Variants in PPARGC1A observed in about 807,000 individuals in gnomAD.
PPARGC1A encodes peroxisome proliferator-activated receptor gamma coactivator 1-alpha.
In PPARGC1A, 25 loss-of-function variants were observed where a neutral mutation model predicts 88.7. The observed-to-expected ratio is 0.28, with a 90% CI of 0.21 to 0.39. PPARGC1A has a LOEUF of 0.39. PPARGC1A is among the 10% of genes least tolerant of loss of function. The pLI, the probability that PPARGC1A is intolerant of heterozygous loss-of-function variation, is 1.00. For missense variants in PPARGC1A, 880 were observed against 968.7 expected, an observed-to-expected ratio of 0.91 and a Z score of 1.22; for synonymous variants, 363 against 355.6, an observed-to-expected ratio of 1.02 and a Z score of -0.24.
the PPARGC1A span, among the ~76,000 whole-genome samples, chr4:24,049,359 G>T: frequency 1.4e-5 from 2 of 146,444 alleles, no homozygotes; most frequent in Non-Finnish European, 3.0e-5. Flanking sequence ...TGAATAATCA[G>T]GGAAGTAGAG....
the PPARGC1A span, among the ~76,000 whole-genome samples, chr4:24,377,096 C>T: frequency 2.7e-5 from 4 of 148,038 alleles, no homozygotes; most frequent in Admixed American, 1.3e-4. Flanking sequence ...TTTTTTTTCA[C>T]GTGAAAAAAA....
the PPARGC1A span, among the ~76,000 whole-genome samples, chr4:24,004,856 T>C: frequency 2.0e-5 from 3 of 152,300 alleles, no homozygotes; most frequent in South Asian, 2.1e-4. Context: ...TGGATCTTTA[T>C]AAATGAAAGT....
the PPARGC1A span, among the ~76,000 whole-genome samples, chr4:24,214,631 TAG>T: frequency 2.0e-5 from 3 of 152,174 alleles, no homozygotes; most frequent in African/African-American, 7.2e-5. Flanking sequence ...CTCTCTTGAC[TAG>T]AGTGTGCCGC....
chr4:24,149,444 C>CA, the PPARGC1A span, among the ~76,000 whole-genome samples: 1 of 152,080 alleles, frequency 6.6e-6, no homozygotes, highest in Non-Finnish European at 1.5e-5. Context: ...TGAAAAGACA[C>CA]AACCTGTACC....
chr4:24,260,919 A>T, the PPARGC1A span, among the ~76,000 whole-genome samples: 1 of 152,214 alleles, frequency 6.6e-6, no homozygotes, highest in South Asian at 2.1e-4. Flanking sequence ...GGCCACAAAA[A>T]TAACAGCTGT....
chr4:24,135,387 TC>T, the PPARGC1A span, among the ~76,000 whole-genome samples: 1 of 152,224 alleles, frequency 6.6e-6, no homozygotes, highest in Middle Eastern at 3.4e-3. Flanking sequence ...CAGTAATCCT[TC>T]CCAGTGGCCC....
intron 2 of PPARGC1A, among the ~76,000 whole-genome samples, chr4:23,862,454 T>G (rs1003850534): frequency 6.6e-6 from 1 of 151,986 alleles, no homozygotes; most frequent in Admixed American, 6.6e-5. Context: ...GGAAGCAGTG[T>G]AAGGGAATGA....
the PPARGC1A span, among the ~76,000 whole-genome samples, chr4:24,354,656 G>T: frequency 6.6e-6 from 1 of 152,130 alleles, no homozygotes; most frequent in Non-Finnish European, 1.5e-5. Context: ...GGAGGCCAAG[G>T]CGTGTGGATC....
intron 7 of PPARGC1A, among the ~76,000 whole-genome samples, chr4:23,815,312 G>A (rs1422144524): frequency 6.6e-6 from 1 of 151,980 alleles, no homozygotes; most frequent in South Asian, 2.1e-4. Context: ...GGCTAATGTA[G>A]GTATAATACA....
the PPARGC1A span, among the ~76,000 whole-genome samples, chr4:23,910,368 ATAT>A: frequency 1.0e-4 from 11 of 105,192 alleles, no homozygotes; most frequent in Non-Finnish European, 1.6e-4. Flanking sequence ...TATATATATT[ATAT>A]TATATTATAT....
At chr4:24,396,514 A>G in the PPARGC1A span, among the ~76,000 whole-genome samples, 1 of 152,184 alleles carries the variant, frequency 6.6e-6, no homozygotes, top group South Asian at 2.1e-4. Flanking sequence ...CAAAATGCTC[A>G]CAACTGAAAG....
the PPARGC1A span, among the ~76,000 whole-genome samples, chr4:24,398,391 G>A: frequency 1.3e-5 from 2 of 152,194 alleles, no homozygotes; most frequent in South Asian, 4.2e-4. Context: ...CAAACAGAAT[G>A]TTTTACTTTC....
At chr4:23,875,591 C>T (rs1430613327) in intron 2 of PPARGC1A, among the ~76,000 whole-genome samples, 1 of 151,760 alleles carries the variant, frequency 6.6e-6, no homozygotes, top group African/African-American at 2.4e-5. Context: ...ATGAACAGCC[C>T]GGAATAGCAA....
At chr4:24,367,827 T>A in the PPARGC1A span, among the ~76,000 whole-genome samples, 1 of 152,122 alleles carries the variant, frequency 6.6e-6, no homozygotes, top group Non-Finnish European at 1.5e-5. Context: ...AGGTAGGTGG[T>A]GTTTTGTAAC....
chr4:24,397,386 C>CT, the PPARGC1A span, among the ~76,000 whole-genome samples: 2 of 152,148 alleles, frequency 1.3e-5, no homozygotes. Flanking sequence ...CCAATATCCA[C>CT]TCTCCCCTTC....
the PPARGC1A span, among the ~76,000 whole-genome samples, chr4:24,211,497 C>T: frequency 6.6e-6 from 1 of 152,120 alleles, no homozygotes; most frequent in Admixed American, 6.6e-5. Context: ...GTGTCCCCAG[C>T]TTCGTCCTAC....
the PPARGC1A span, among the ~76,000 whole-genome samples, chr4:24,271,870 G>C: frequency 6.6e-6 from 1 of 152,102 alleles, no homozygotes; most frequent in Non-Finnish European, 1.5e-5. Flanking sequence ...ATACATCTAT[G>C]TATTGAGATA....
At chr4:24,015,454 C>G in the PPARGC1A span, among the ~76,000 whole-genome samples, 1 of 152,116 alleles carries the variant, frequency 6.6e-6, no homozygotes. Flanking sequence ...TCCATTTTCA[C>G]AAGTCCTCTT....
chr4:23,866,905 A>G (rs1016126352), intron 2 of PPARGC1A, among the ~76,000 whole-genome samples: 1 of 152,102 alleles, frequency 6.6e-6, no homozygotes, highest in African/African-American at 2.4e-5. Flanking sequence ...TGCTTTTGTT[A>G]AAACCTAATG....
Sources: gnomAD v4.1 joint callset for allele counts (sites outside exome capture counted in the v4.1 genomes callset) on GRCh38, gnomAD v4.1.1 for gene constraint, MANE v1.5 for transcripts, NCBI Gene and HGNC (gene_info 2026-07-23, HGNC 2026-07-21) for gene names.